Variants in PLCB4 observed in about 807,000 individuals in gnomAD.
PLCB4 encodes 1-phosphatidylinositol 4,5-bisphosphate phosphodiesterase beta-4.
A neutral mutation model predicts 178.8 loss-of-function variants in PLCB4; 77 were observed. That is an observed-to-expected ratio of 0.43 (90% CI 0.36 to 0.52). The LOEUF (loss-of-function observed/expected upper bound fraction) is 0.52. Ranked by LOEUF, PLCB4 falls within the 20% of genes least tolerant of loss-of-function variation. The pLI is 0.00. For missense variants in PLCB4, 1,024 were observed against 1,453.4 expected, an observed-to-expected ratio of 0.70 and a Z score of 4.80; for synonymous variants, 496 against 490.8, an observed-to-expected ratio of 1.01 and a Z score of -0.14.
At chr20:9,191,345 ATTTTTTT>A (rs71184136) in intron 2 of PLCB4, among the ~76,000 whole-genome samples, 35 of 58,854 alleles carry the variant, frequency 5.9e-4, no homozygotes, top group Non-Finnish European at 7.7e-4. Context: ...CTAGATAGGC[ATTTTTTT>A]TTTTTTTTTT....
At chr20:9,071,411 G>A (rs2089566433) in intron 1 of PLCB4, among the ~76,000 whole-genome samples, 1 of 152,120 alleles carries the variant, frequency 6.6e-6, no homozygotes, top group Non-Finnish European at 1.5e-5. Context: ...TGTTTGCCTG[G>A]TATTCATCTT....
At chr20:9,072,849 G>A (rs567654788) in intron 1 of PLCB4, among the ~76,000 whole-genome samples, 1 of 152,288 alleles carries the variant, frequency 6.6e-6, no homozygotes, top group South Asian at 2.1e-4. Flanking sequence ...TTCCCTGCAT[G>A]CACTTCGTCT....
At chr20:9,418,193 A>G (rs1176258113) in intron 25 of PLCB4, among the ~76,000 whole-genome samples, 1 of 152,120 alleles carries the variant, frequency 6.6e-6, no homozygotes, top group East Asian at 1.9e-4. Context: ...GTATCATTGC[A>G]TGTGCTTTTG....
chr20:9,213,158 T>A (rs1035628268), intron 2 of PLCB4, among the ~76,000 whole-genome samples: 22 of 70,410 alleles, frequency 3.1e-4, no homozygotes, highest in South Asian at 4.8e-4. Context: ...TTTTTTTTTT[T>A]AGACAAAGTC....
At chr20:9,165,661 G>T (rs2092957370) in intron 2 of PLCB4, among the ~76,000 whole-genome samples, 1 of 152,098 alleles carries the variant, frequency 6.6e-6, no homozygotes, top group African/African-American at 2.4e-5. Flanking sequence ...ACTTACATTA[G>T]TGTGGATTGG....
intron 2 of PLCB4, among the ~76,000 whole-genome samples, chr20:9,180,406 C>T (rs2093225856): frequency 6.6e-6 from 1 of 152,100 alleles, no homozygotes; most frequent in African/African-American, 2.4e-5. Flanking sequence ...CATTATAAAG[C>T]TGGTGCTACG....
At chr20:9,143,008 C>T (rs965583807) in intron 2 of PLCB4, among the ~76,000 whole-genome samples, 1 of 152,146 alleles carries the variant, frequency 6.6e-6, no homozygotes. Flanking sequence ...GCATGGCTGC[C>T]CCAGGGCCTT....
At chr20:9,093,601 G>T (rs548980942) in intron 1 of PLCB4, among the ~76,000 whole-genome samples, 1 of 152,032 alleles carries the variant, frequency 6.6e-6, no homozygotes, top group East Asian at 1.9e-4. Context: ...CTCACGTTAG[G>T]ATTTAGTGTT....
intron 32 of PLCB4, among the ~76,000 whole-genome samples, chr20:9,446,812 C>T (rs548275799): frequency 9.9e-5 from 15 of 152,210 alleles, no homozygotes; most frequent in Non-Finnish European, 4.4e-5. Context: ...ACCCAGGAGG[C>T]GGAGGTTGCA....
At chr20:9,324,403 T>G (rs1043594826) in intron 4 of PLCB4, among the ~76,000 whole-genome samples, 6 of 152,032 alleles carry the variant, frequency 3.9e-5, no homozygotes, top group African/African-American at 1.4e-4. Flanking sequence ...TCCAGCCTGG[T>G]GACACAGTGA....
At chr20:9,118,363 C>A (rs572627291) in intron 2 of PLCB4, among the ~76,000 whole-genome samples, 118 of 148,074 alleles carry the variant, frequency 8.0e-4, no homozygotes, top group African/African-American at 2.9e-3. Context: ...TAAGTGCAAT[C>A]TTCTATAAAC....
chr20:9,118,388 AAG>A (rs1204731230), intron 2 of PLCB4, among the ~76,000 whole-genome samples: 1 of 151,922 alleles, frequency 6.6e-6, no homozygotes, highest in Non-Finnish European at 1.5e-5. Context: ...AATTTAATAA[AAG>A]AGACGGAAAT....
At chr20:9,142,760 CT>C (rs1442790350) in intron 2 of PLCB4, among the ~76,000 whole-genome samples, 2 of 152,158 alleles carry the variant, frequency 1.3e-5, no homozygotes, top group African/African-American at 4.8e-5. Context: ...CATCTGCAGT[CT>C]GTTCTCAACA....
chr20:9,276,341 A>C (rs1421778513), intron 3 of PLCB4, among the ~76,000 whole-genome samples: 1 of 152,060 alleles, frequency 6.6e-6, no homozygotes, highest in African/African-American at 2.4e-5. Context: ...GGCCATGCCC[A>C]GATGCGATAC....
chr20:9,091,827 T>G (rs1475539284), intron 1 of PLCB4, among the ~76,000 whole-genome samples: 1 of 152,106 alleles, frequency 6.6e-6, no homozygotes, highest in South Asian at 2.1e-4. Context: ...TACAGATTTT[T>G]TTTTCTTTTT....
intron 21 of PLCB4, 31 bp from the exon 22 acceptor site, chr20:9,407,886 A>T: frequency 6.3e-7 from 1 of 1,590,302 alleles, no homozygotes; most frequent in Non-Finnish European, 8.5e-7. Flanking sequence ...TGAAGTCATC[A>T]ACTTATATGT....
At chr20:9,151,375 C>T (rs1600733484) in intron 2 of PLCB4, among the ~76,000 whole-genome samples, 2 of 152,140 alleles carry the variant, frequency 1.3e-5, no homozygotes, top group East Asian at 3.9e-4. Context: ...GGCTATGTCC[C>T]CATCCAAATC....
chr20:9,183,553 T>C (rs1420614678), intron 2 of PLCB4, among the ~76,000 whole-genome samples: 1 of 152,218 alleles, frequency 6.6e-6, no homozygotes, highest in East Asian at 1.9e-4. Flanking sequence ...AAGCTGGAGA[T>C]ATTTATTTAG....
intron 3 of PLCB4, among the ~76,000 whole-genome samples, chr20:9,255,102 A>G (rs1050482904): frequency 1.3e-5 from 2 of 152,208 alleles, no homozygotes; most frequent in Admixed American, 6.5e-5. Flanking sequence ...AATTTATCCA[A>G]TACTATAGAT....
Sources: allele counts gnomAD v4.1 joint callset (sites outside exome capture counted in the v4.1 genomes callset), GRCh38; gene constraint gnomAD v4.1.1; transcripts MANE v1.5; gene names NCBI Gene and HGNC (gene_info 2026-07-23, HGNC 2026-07-21).